The following FARS2 variants were observed in gnomAD, a reference collection of about 807,000 sequenced individuals.
FARS2 encodes the protein phenylalanine--tRNA ligase, mitochondrial.
In FARS2, 40 loss-of-function variants were observed where a neutral mutation model predicts 46.4. The observed-to-expected ratio is 0.86, with a 90% CI of 0.67 to 1.12. FARS2 has a LOEUF of 1.12. Among genes scored for constraint, FARS2 ranks in the 50% most tolerant of loss-of-function variants. The pLI is 0.00. For synonymous variants in FARS2, 234 were observed against 214.9 expected (o/e 1.09, Z -0.78); for missense variants, 513 against 567.9 (o/e 0.90, Z 0.98).
rs376827072 is a variant in FARS2, at chr6:5,564,022, C to G, written c.1065+18682C>G. Among the ~76,000 whole-genome samples the G allele has an allele frequency of 2.4e-3, 369 of 152,288 alleles. 1 individual carries two copies. The highest frequency in any genetic ancestry group is 8.7e-3 in the African/African-American group (363 of 41,552). On this transcript the variant is annotated intron_variant, in intron 5 of 6. Transcript: ENST00000274680. The stretch of plus-strand genomic sequence containing the variant: ...GCATTACTAAACCCAATAAAAAGTC[C>G]TAGCAGACTCAGTGATAGTAAAACT...
At chr6:5,448,054 G>A (rs115988831) in intron 4 of FARS2, among the ~76,000 whole-genome samples, 2,513 of 152,294 alleles carry the variant, frequency 0.017, 71 homozygotes, top group African/African-American at 0.057. Context: ...ACAGAGTTTC[G>A]AAAGATCCAG....
At chr6:5,487,506 G>A (rs190244588) in intron 4 of FARS2, among the ~76,000 whole-genome samples, 34 of 152,294 alleles carry the variant, frequency 2.2e-4, no homozygotes, top group African/African-American at 7.7e-4. Flanking sequence ...TACAACAGCC[G>A]TGTGTATTTG....
At chr6:5,340,102 T>TTAGG (rs763953709) in intron 1 of FARS2, among the ~76,000 whole-genome samples, 6 of 152,226 alleles carry the variant, frequency 3.9e-5, no homozygotes, top group African/African-American at 9.6e-5. Flanking sequence ...TGAGTTCTTA[T>TTAGG]TAGGTGCCTT....
intron 4 of FARS2, among the ~76,000 whole-genome samples, chr6:5,454,544 C>G (rs1014032150): frequency 2.0e-5 from 3 of 152,042 alleles, no homozygotes; most frequent in African/African-American, 7.2e-5. Context: ...TGGGGTTTCA[C>G]CGTGTTAGCC....
intron 1 of FARS2, among the ~76,000 whole-genome samples, chr6:5,284,778 G>A (rs1315648757): frequency 1.3e-5 from 2 of 152,122 alleles, no homozygotes; most frequent in African/African-American, 4.8e-5. Context: ...GAAGAGCTGA[G>A]CTCTGTGGTC....
intron 6 of FARS2, among the ~76,000 whole-genome samples, chr6:5,641,425 T>A (rs768063954): frequency 1.2e-4 from 19 of 152,200 alleles, no homozygotes; most frequent in Admixed American, 2.6e-4. Flanking sequence ...GCCGCCCATG[T>A]AGCTGGGATT....
chr6:5,351,856 C>T (rs925079943), intron 1 of FARS2, among the ~76,000 whole-genome samples: 4 of 152,210 alleles, frequency 2.6e-5, no homozygotes, highest in Admixed American at 2.6e-4. Flanking sequence ...TAGTGTTGGA[C>T]AGTCAAGTTG....
At chr6:5,509,568 G>T (rs1768305158) in intron 4 of FARS2, among the ~76,000 whole-genome samples, 1 of 152,198 alleles carries the variant, frequency 6.6e-6, no homozygotes, top group Non-Finnish European at 1.5e-5. Context: ...GTTCTTAAGG[G>T]TAAGGCGAGA....
chr6:5,412,418 A>G (rs1310094696), intron 3 of FARS2, among the ~76,000 whole-genome samples: 3 of 152,184 alleles, frequency 2.0e-5, no homozygotes, highest in Admixed American at 6.5e-5. Flanking sequence ...GTTTGCTGCC[A>G]CTGTCTTCAT....
At chr6:5,295,999 G>A (rs1353284452) in intron 1 of FARS2, among the ~76,000 whole-genome samples, 1 of 152,064 alleles carries the variant, frequency 6.6e-6, no homozygotes, top group African/African-American at 2.4e-5. Context: ...TGTGCCAGGC[G>A]CATGCTAAAC....
intron 6 of FARS2, among the ~76,000 whole-genome samples, chr6:5,732,368 C>T (rs1456802305): frequency 6.6e-6 from 1 of 152,056 alleles, no homozygotes; most frequent in Non-Finnish European, 1.5e-5. Flanking sequence ...AAGGATTAGA[C>T]AGGTTAAGGC....
chr6:5,271,199 G>A (rs965424100), intron 1 of FARS2, among the ~76,000 whole-genome samples: 7 of 152,016 alleles, frequency 4.6e-5, no homozygotes, highest in Non-Finnish European at 1.0e-4. Flanking sequence ...AAATTTTATC[G>A]TCTGGCCAGA....
intron 4 of FARS2, among the ~76,000 whole-genome samples, chr6:5,515,020 C>T (rs759864011): frequency 8.6e-5 from 13 of 151,838 alleles, no homozygotes; most frequent in Non-Finnish European, 1.3e-4. Flanking sequence ...AAGTGGTCCT[C>T]CTGGTTCAGC....
chr6:5,691,192 CAA>C (rs1189533907), intron 6 of FARS2, among the ~76,000 whole-genome samples: 3 of 152,226 alleles, frequency 2.0e-5, no homozygotes, highest in African/African-American at 7.2e-5. Flanking sequence ...CTCAACTCGT[CAA>C]AGTCATTCTC....
chr6:5,467,681 A>G (rs889444419), intron 4 of FARS2, among the ~76,000 whole-genome samples: 32 of 152,128 alleles, frequency 2.1e-4, no homozygotes, highest in African/African-American at 6.8e-4. Flanking sequence ...GATGATGATA[A>G]TGATAGTCAT....
chr6:5,616,839 A>G (rs934290384), intron 6 of FARS2, among the ~76,000 whole-genome samples: 15 of 152,170 alleles, frequency 9.9e-5, no homozygotes, highest in Admixed American at 2.6e-4. Context: ...GCCAGCGTCA[A>G]AAGTGGGATG....
chr6:5,595,622 C>T (rs1002204336), intron 5 of FARS2, among the ~76,000 whole-genome samples: 1 of 152,216 alleles, frequency 6.6e-6, no homozygotes, highest in African/African-American at 2.4e-5. Flanking sequence ...GAAATGTAAA[C>T]TCTTCCCCAG....
intron 6 of FARS2, among the ~76,000 whole-genome samples, chr6:5,674,916 G>A (rs1316371604): frequency 6.6e-6 from 1 of 152,326 alleles, no homozygotes; most frequent in South Asian, 2.1e-4. Context: ...AACAGGCAAA[G>A]GGAAGTTCTC....
At chr6:5,263,131 TTATTA>T (rs1267869539) in intron 1 of FARS2, among the ~76,000 whole-genome samples, 3 of 152,240 alleles carry the variant, frequency 2.0e-5, no homozygotes, top group African/African-American at 7.2e-5. Context: ...TTACATTATT[TTATTA>T]TATTTTGCTT....
Sources: gnomAD v4.1 joint callset for allele counts (sites outside exome capture counted in the v4.1 genomes callset) on GRCh38, gnomAD v4.1.1 for gene constraint, MANE v1.5 for transcripts, NCBI Gene and HGNC (gene_info 2026-07-23, HGNC 2026-07-21) for gene names.